PHLPP2: variants seen among roughly 807,000 people sequenced by gnomAD.
PHLPP2 encodes PH domain leucine-rich repeat-containing protein phosphatase 2.
PHLPP2 carries 66 observed loss-of-function variants against 124.9 expected under a neutral mutation model. That is an observed-to-expected ratio of 0.53 (90% CI 0.43 to 0.65). The LOEUF is 0.65. Ranked by LOEUF, PHLPP2 falls within the 30% of genes least tolerant of loss-of-function variation. The pLI, the probability that PHLPP2 is intolerant of heterozygous loss-of-function variation, is 0.00. For synonymous variants in PHLPP2, 681 were observed against 624.7 expected, an observed-to-expected ratio of 1.09 and a Z score of -1.34; for missense variants, 1,685 against 1,600.4, an observed-to-expected ratio of 1.05 and a Z score of -0.90.
Position 71,649,514 on chromosome 16 carries a change from C to T in PHLPP2, c.3348G>A (p.Arg1116=), listed in dbSNP as rs2044679501. 2 of 1,614,158 alleles carry T rather than the reference C, an allele frequency of 1.2e-6. No individual in the cohort carries two copies. Among genetic ancestry groups the T allele is most frequent in the African/African-American group, 1.3e-5 (1 of 75,044 alleles). Residue 1116 remains arginine (R), a synonymous_variant, in exon 19 of 19, where the codon CGG becomes CGA. Coordinates refer to ENST00000568954, the MANE Select transcript of PHLPP2 (RefSeq NM_015020.3). The part of the protein sequence containing the change: ...LDTALLPRPE[R]RCSLHPTPTS... ...TGGGTGTTGGGTGGAGGCTGCAGCG[C>T]CGCTCTGGCCTCGGAAGCAAGGCAG...
chr16:71,651,433 A>T (rs2044695676), intron 18 of PHLPP2, among the ~76,000 whole-genome samples: 1 of 151,682 alleles, frequency 6.6e-6, no homozygotes, highest in Admixed American at 6.6e-5. Flanking sequence ...GCGCAGTGGC[A>T]TGTGCCTATA....
rs2145297771 is a variant in PHLPP2 at position 71,647,248 on chromosome 16, A to G, written c.*1642T>C. ...TTAATTTTCCTAAGCAAATCTTCCA[A>G]TGGAAAAAGTGACAGAAGTATGAAG... On this transcript the variant is annotated 3_prime_UTR_variant, in exon 19 of 19. Transcript: ENST00000568954. 6.5e-6 allele frequency: 1 copy of G among 152,722 alleles called. No individual in the cohort carries two copies. The highest frequency in any genetic ancestry group is 1.5e-5 in the Non-Finnish European group (1 of 68,028). The allele number at this position is 152,722 out of a possible 1,614,324, so 9.5% of individuals were successfully genotyped here.
chr16:71,682,771 GT>G (rs1363914362), intron 5 of PHLPP2, among the ~76,000 whole-genome samples: 2 of 152,206 alleles, frequency 1.3e-5, no homozygotes, highest in Middle Eastern at 3.4e-3. Context: ...CAATATAACT[GT>G]AAAATAGTCA....
In PHLPP2 at chr16:71,660,490, A is replaced by C. The variant is rs917323319; in HGVS notation, c.1986-1675T>G. ...GCCCAGGCTGGAGTGCAGTGGCGCA[A>C]TCTTGGCTCGCTGCAACCTCTGCCT... On this transcript the variant is annotated intron_variant, in intron 13 of 18. Transcript: ENST00000568954. Among the ~76,000 whole-genome samples the C allele has an allele frequency of 7.7e-5, 10 of 129,706 alleles. No individual in the cohort carries two copies. The South Asian group carries it at 1.3e-3, about 17-fold the overall frequency. 85.1% of individuals were successfully genotyped at this position (129,706 alleles called of 152,430 possible). A position where few individuals can be genotyped will look rare whatever the true frequency, so the allele number is the denominator to read the frequency against.
intron 1 of PHLPP2, among the ~76,000 whole-genome samples, chr16:71,715,965 C>T (rs2045360117): frequency 6.7e-6 from 1 of 148,884 alleles, no homozygotes; most frequent in Non-Finnish European, 1.5e-5. Flanking sequence ...CACCGCACTC[C>T]AGTCTGGGCA....
intron 13 of PHLPP2, among the ~76,000 whole-genome samples, chr16:71,662,534 C>G (rs1425563886): frequency 6.6e-6 from 1 of 152,072 alleles, no homozygotes; most frequent in Non-Finnish European, 1.5e-5. Flanking sequence ...AATCAAGTTT[C>G]TCCTGTATGT....
At chr16:71,717,792 T>C (rs1597020972) in intron 1 of PHLPP2, among the ~76,000 whole-genome samples, 1 of 152,186 alleles carries the variant, frequency 6.6e-6, no homozygotes, top group South Asian at 2.1e-4. Context: ...AAGCAGACAC[T>C]GTTTCACACA....
intron 6 of PHLPP2, 58 bp from the exon 7 acceptor site, chr16:71,679,593 T>C: frequency 3.5e-6 from 5 of 1,425,504 alleles, no homozygotes; most frequent in Non-Finnish European, 4.9e-6. Flanking sequence ...ACTGTATCTT[T>C]ACAAGGGACA....
intron 2 of PHLPP2, among the ~76,000 whole-genome samples, chr16:71,711,805 C>A (rs548278831): frequency 6.6e-6 from 1 of 152,110 alleles, no homozygotes; most frequent in Non-Finnish European, 1.5e-5. Context: ...AGGGCTTTTA[C>A]GCAGAAAATA....
At chr16:71,663,789 T>C in intron 13 of PHLPP2, 110 bp downstream of exon 13, 1 of 810,490 alleles carries the variant, frequency 1.2e-6, no homozygotes, top group Non-Finnish European at 2.1e-6. Context: ...ATAGCATCTG[T>C]AAGTCAGTGA....
intron 2 of PHLPP2, among the ~76,000 whole-genome samples, chr16:71,707,061 T>A (rs571642719): frequency 8.1e-5 from 12 of 147,718 alleles, no homozygotes; most frequent in Non-Finnish European, 1.5e-4. Flanking sequence ...TTCACGCCAT[T>A]CTCCTGCCTC....
chr16:71,673,770 C>T (rs1274650014), intron 9 of PHLPP2, among the ~76,000 whole-genome samples: 1 of 152,076 alleles, frequency 6.6e-6, no homozygotes, highest in Non-Finnish European at 1.5e-5. Context: ...TGTTTAGACA[C>T]ATTAAGGATA....
intron 4 of PHLPP2, among the ~76,000 whole-genome samples, chr16:71,688,318 A>T (rs964303521): frequency 3.9e-5 from 6 of 152,206 alleles, no homozygotes; most frequent in African/African-American, 1.4e-4. Context: ...GAAGACACAA[A>T]ATTACTCTTC....
chr16:71,659,148 C>T (rs1015246166), intron 13 of PHLPP2, among the ~76,000 whole-genome samples: 3 of 151,984 alleles, frequency 2.0e-5, no homozygotes, highest in Non-Finnish European at 4.4e-5. Flanking sequence ...TGCTTTACCA[C>T]TAACTAGCGG....
chr16:71,711,687 T>A (rs1567629716), intron 2 of PHLPP2, among the ~76,000 whole-genome samples: 1 of 152,230 alleles, frequency 6.6e-6, no homozygotes, highest in Non-Finnish European at 1.5e-5. Context: ...GATTATCATT[T>A]CTCTTTATGC....
In PHLPP2 at chr16:71,649,313, G is replaced by A; in HGVS notation, c.3549C>T (p.Pro1183=). 1.9e-6 allele frequency: 3 copies of A among 1,613,824 alleles called. No homozygotes were observed. The highest frequency in any genetic ancestry group is 2.5e-6 in the Non-Finnish European group (3 of 1,179,802). The part of the protein sequence containing the change: ...CCRGRDLENS[P]PLIESSPTLC... ...GGGTAGGAGAACTCTCTATGAGAGG[G>A]GGTGAGTTCTCCAGATCCCTCCCCC... Residue 1183 remains proline, a synonymous_variant, in exon 19 of 19, where the codon CCC becomes CCT. Transcript: ENST00000568954.
At chr16:71,662,065 G>A (rs1490542023) in intron 13 of PHLPP2, among the ~76,000 whole-genome samples, 2 of 151,562 alleles carry the variant, frequency 1.3e-5, no homozygotes, top group African/African-American at 2.4e-5. Context: ...CTCGTGATCC[G>A]CCCGCCTCGG....
chr16:71,649,170 G>A lies in PHLPP2; in HGVS notation c.3692C>T (p.Ser1231Phe), dbSNP rs1164146172. The change falls in exon 19 of 19, where the codon TCC becomes TTC. Residue 1231 changes from serine to phenylalanine, a missense_variant. By Grantham distance (155) the Ser-to-Phe change is radical. Coordinates refer to ENST00000568954, the MANE Select transcript of PHLPP2 (RefSeq NM_015020.3). ...TTTCTTCCCATAGAGGCAGGAGGTG[G>A]AGGGAGACTTCTGTAACTCCATCCT... ...KDRMELQKSP[S>F]TSCLYGKKLS... The A allele has an allele frequency of 1.9e-6, 3 of 1,614,072 alleles. No individual in the cohort carries two copies. Among genetic ancestry groups the A allele is most frequent in the African/African-American group, 2.7e-5 (2 of 74,920 alleles).
At chr16:71,690,738 A>G in intron 3 of PHLPP2, 29 bp from the exon 4 acceptor site, 1 of 1,465,878 alleles carries the variant, frequency 6.8e-7, no homozygotes, top group Non-Finnish European at 9.5e-7. Flanking sequence ...TTCAGAATCC[A>G]CCATTAAAGT....
Sources: allele counts gnomAD v4.1 joint callset (sites outside exome capture counted in the v4.1 genomes callset), GRCh38; gene constraint gnomAD v4.1.1; transcripts MANE v1.5; gene names NCBI Gene and HGNC (gene_info 2026-07-23, HGNC 2026-07-21).